DENR: variants seen among roughly 807,000 people sequenced by gnomAD.
The protein encoded by DENR is density-regulated protein.
Under a neutral mutation model 30.6 loss-of-function variants are expected in DENR, and 6 were observed. The ratio of observed to expected loss-of-function variants is 0.20; its 90% confidence interval spans 0.11 to 0.39. The LOEUF is 0.39. Among genes scored for constraint, DENR ranks in the 10% least tolerant of loss-of-function variants. DENR has a pLI of 1.00. For missense variants in DENR, 141 were observed against 230.9 expected, an observed-to-expected ratio of 0.61 and a Z score of 2.52; for synonymous variants, 78 against 72.1, an observed-to-expected ratio of 1.08 and a Z score of -0.41.
chr12:122,766,703 C>G (rs184989357), intron 5 of DENR, among the ~76,000 whole-genome samples: 3 of 152,326 alleles, frequency 2.0e-5, no homozygotes, highest in East Asian at 3.9e-4. Context: ...AACCATCTTA[C>G]ATTCTCTTTC....
intron 1 of DENR, 92 bp from the exon 2 acceptor site, chr12:122,753,601 T>G: frequency 2.2e-6 from 2 of 910,000 alleles, no homozygotes; most frequent in African/African-American, 1.6e-5. Flanking sequence ...TGAAACAGCT[T>G]TGGGGTGGGG....
chr12:122,767,940 C>T (rs1397474317), intron 6 of DENR, among the ~76,000 whole-genome samples: 5 of 152,180 alleles, frequency 3.3e-5, no homozygotes, highest in Non-Finnish European at 7.3e-5. Flanking sequence ...CAAAATGGCT[C>T]ATCCCCTCTG....
chr12:122,763,821 C>T (rs1878772602), intron 4 of DENR, among the ~76,000 whole-genome samples: 1 of 152,194 alleles, frequency 6.6e-6, no homozygotes, highest in Admixed American at 6.5e-5. Context: ...TAAAAGATTT[C>T]CTACTCTTGT....
chr12:122,756,545 C>A (rs995331554), intron 2 of DENR, among the ~76,000 whole-genome samples: 9 of 152,146 alleles, frequency 5.9e-5, no homozygotes, highest in Non-Finnish European at 1.3e-4. Flanking sequence ...GGGAAGACTT[C>A]ATAGAGGCAA....
At chr12:122,767,300 C>G (rs535244896) in intron 5 of DENR, among the ~76,000 whole-genome samples, 188 bp from the exon 6 acceptor site, 1 of 152,346 alleles carries the variant, frequency 6.6e-6, no homozygotes, top group Admixed American at 6.5e-5. Context: ...GTATCCTCGG[C>G]TCTTAGCCCA....
intron 5 of DENR, among the ~76,000 whole-genome samples, chr12:122,766,182 T>G (rs1878844710): frequency 6.6e-6 from 1 of 152,190 alleles, no homozygotes; most frequent in African/African-American, 2.4e-5. Context: ...TGTTCACTCC[T>G]CAGTCCATCC....
chr12:122,760,192 T>C lies in DENR; in HGVS notation c.107-1995T>C, dbSNP rs144090694. Among the ~76,000 whole-genome samples, 29 of 152,354 alleles carry C rather than the reference T, an allele frequency of 1.9e-4. 1 individual carries two copies. Among genetic ancestry groups the C allele is most frequent in the African/African-American group, 6.0e-4 (25 of 41,582 alleles). ...AGAAACAGGCAGATTCAAATCCTGT[T>C]ATCCAGATGCAAGTGGTTATGTACT... On this transcript the variant is annotated intron_variant, in intron 2 of 7. Coordinates refer to ENST00000280557, the MANE Select transcript of DENR (RefSeq NM_003677.5).
intron 2 of DENR, among the ~76,000 whole-genome samples, chr12:122,760,986 G>A (rs943185925): frequency 5.9e-5 from 9 of 152,114 alleles, no homozygotes; most frequent in Non-Finnish European, 1.3e-4. Flanking sequence ...AGTGGCTCAC[G>A]CTTATAGTCC....
chr12:122,757,249 G>A (rs1325650440), intron 2 of DENR, among the ~76,000 whole-genome samples: 2 of 152,186 alleles, frequency 1.3e-5, no homozygotes, highest in Non-Finnish European at 2.9e-5. Context: ...GTTTCAGAGA[G>A]CAGCTCAAAT....
chr12:122,762,230 T>TA (rs1290919272), intron 3 of DENR, 24 bp downstream of exon 3: 1 of 1,362,906 alleles, frequency 7.3e-7, no homozygotes. Flanking sequence ...TTTTTTTTTT[T>TA]ACCTTATGTA....
intron 5 of DENR, among the ~76,000 whole-genome samples, chr12:122,767,052 GC>G (rs1160986579): frequency 6.6e-6 from 1 of 152,024 alleles, no homozygotes; most frequent in Non-Finnish European, 1.5e-5. Flanking sequence ...TGCCTCTCCA[GC>G]CTTTTTCCCT....
chr12:122,767,674 G>GTCTC, intron 6 of DENR, 70 bp downstream of exon 6: 1 of 840,012 alleles, frequency 1.2e-6, no homozygotes, highest in Non-Finnish European at 1.8e-6. Context: ...CTATCTCTCT[G>GTCTC]TCTCTCTCTC....
chr12:122,762,987 G>A, intron 4 of DENR, 58 bp downstream of exon 4: 2 of 943,238 alleles, frequency 2.1e-6, no homozygotes, highest in Non-Finnish European at 3.3e-6. Flanking sequence ...TGCATGTATG[G>A]CATTATTCTA....
intron 2 of DENR, chr12:122,754,249 C>A (rs754169876): frequency 5.0e-6 from 1 of 200,628 alleles, no homozygotes; most frequent in Non-Finnish European, 1.1e-5. Flanking sequence ...TCTGGTGTAT[C>A]GTATAGGGAG....
intron 3 of DENR, 126 bp from the exon 4 acceptor site, chr12:122,762,719 A>G (rs1423877450): frequency 4.5e-6 from 3 of 666,132 alleles, no homozygotes; most frequent in Non-Finnish European, 7.6e-6. Flanking sequence ...CCTGTGGATA[A>G]GAAGTCAGAT....
rs1879010871 is a variant in DENR, at chr12:122,770,624, C to CT, written c.*1549dup. ...TAATGATGTATTTGATGAATTTAAA[C>CT]TTTAAGTCAGGTGCTGCAAATTGGA... On this transcript the variant is annotated 3_prime_UTR_variant, in exon 8 of 8. Coordinates refer to ENST00000280557, the MANE Select transcript of DENR (RefSeq NM_003677.5). The CT allele has an allele frequency of 7.5e-6, 3 of 398,484 alleles. No individual in the cohort carries two copies. Among genetic ancestry groups the CT allele is most frequent in the South Asian group, 1.3e-4 (1 of 7,862 alleles). The allele number at this position is 398,484 out of a possible 1,614,324, so 24.7% of individuals were successfully genotyped here. A position where few individuals can be genotyped will look rare whatever the true frequency, so the allele number is the denominator to read the frequency against.
At chr12:122,761,096 G>C (rs1349438679) in intron 2 of DENR, among the ~76,000 whole-genome samples, 1 of 152,108 alleles carries the variant, frequency 6.6e-6, no homozygotes, top group Non-Finnish European at 1.5e-5. Flanking sequence ...CTGAGTGACA[G>C]AGTGAGAGTG....
chr12:122,760,338 T>G (rs1878663167), intron 2 of DENR, among the ~76,000 whole-genome samples: 1 of 152,198 alleles, frequency 6.6e-6, no homozygotes, highest in African/African-American at 2.4e-5. Context: ...AGGTGCCCAG[T>G]GTGTAGTAAT....
chr12:122,762,442 G>A (rs560975700), intron 3 of DENR, among the ~76,000 whole-genome samples: 14 of 152,096 alleles, frequency 9.2e-5, no homozygotes, highest in Non-Finnish European at 1.3e-4. Context: ...TTGGATTTTT[G>A]CATGGGACTT....
Sources: allele counts gnomAD v4.1 joint callset (sites outside exome capture counted in the v4.1 genomes callset), GRCh38; gene constraint gnomAD v4.1.1; transcripts MANE v1.5; gene names NCBI Gene and HGNC (gene_info 2026-07-23, HGNC 2026-07-21).